The following THSD7B variants were observed in gnomAD, a reference collection of about 807,000 sequenced individuals.
The protein encoded by THSD7B is thrombospondin type 1 domain containing 7B, also known as thrombospondin type-1 domain-containing protein 7B.
THSD7B carries 138 observed loss-of-function variants against 213.6 expected under a neutral mutation model. The ratio of observed to expected loss-of-function variants is 0.65; its 90% CI spans 0.56 to 0.74. The LOEUF (loss-of-function observed/expected upper bound fraction) is 0.74. Ranked by LOEUF, THSD7B falls within the 30% of genes least tolerant of loss-of-function variation. THSD7B has a pLI of 0.00. For synonymous variants in THSD7B, 742 were observed against 687.0 expected (o/e 1.08, Z -1.25); for missense variants, 1,931 against 1,991.5 (o/e 0.97, Z 0.58).
At chr2:137,358,568 T>G (rs1171155998) in intron 12 of THSD7B, among the ~76,000 whole-genome samples, 1 of 152,196 alleles carries the variant, frequency 6.6e-6, no homozygotes, top group East Asian at 1.9e-4. Context: ...AAGGATAGCA[T>G]CAAAGAAAGT....
At chr2:137,408,087 C>T (rs1353450271) in intron 13 of THSD7B, among the ~76,000 whole-genome samples, 1 of 151,878 alleles carries the variant, frequency 6.6e-6, no homozygotes, top group East Asian at 1.9e-4. Flanking sequence ...AGTATATAAT[C>T]AAAGTAAAGG....
At chr2:137,200,867 CTA>C in intron 7 of THSD7B, among the ~76,000 whole-genome samples, 1 of 29,358 alleles carries the variant, frequency 3.4e-5, no homozygotes, top group Non-Finnish European at 8.8e-5. Context: ...ATGGGGACTC[CTA>C]TGTTGCCCAG....
At position 137,656,853 on chromosome 2, in the gene THSD7B, A is replaced by G. The variant is rs1352590087; in HGVS notation, c.4163A>G (p.Asp1388Gly). 6.2e-7 allele frequency: 1 copy of G among 1,613,984 alleles called. No homozygotes were observed. The highest frequency in any genetic ancestry group is 2.2e-5 in the East Asian group (1 of 44,884). The change falls in exon 23 of 28, where the codon GAT becomes GGT. Residue 1388 changes from aspartate to glycine, a missense_variant. Asp to Gly is a moderately conservative substitution (Grantham distance 94). Transcript: ENST00000409968. ...AGCACATGTGAATTAACCTGCATTG[A>G]TGGAAGAAGCTTTGAGACTGTGGGC... ...EWSTCELTCI[D>G]GRSFETVGRQ...
intron 3 of THSD7B, among the ~76,000 whole-genome samples, chr2:137,084,617 A>G (rs1451950840): frequency 6.6e-6 from 1 of 152,172 alleles, no homozygotes; most frequent in Non-Finnish European, 1.5e-5. Context: ...CCAAAGTCAT[A>G]AATCACCTTG....
intron 10 of THSD7B, among the ~76,000 whole-genome samples, chr2:137,245,278 T>C (rs1483998938): frequency 1.3e-5 from 2 of 152,210 alleles, no homozygotes; most frequent in African/African-American, 4.8e-5. Context: ...TATTACTTAA[T>C]GTCTCTTTGC....
At chr2:137,051,054 T>C (rs1223771691) in intron 2 of THSD7B, among the ~76,000 whole-genome samples, 4 of 152,194 alleles carry the variant, frequency 2.6e-5, no homozygotes. Flanking sequence ...CCTGTTTCCA[T>C]CAGTGAGCCT....
At chr2:137,367,781 C>T (rs1020359890) in intron 12 of THSD7B, among the ~76,000 whole-genome samples, 1 of 152,110 alleles carries the variant, frequency 6.6e-6, no homozygotes, top group Non-Finnish European at 1.5e-5. Flanking sequence ...TGTGGCCTTT[C>T]CTCAGTGTGT....
At chr2:136,848,952 C>T (rs1683052721) in intron 1 of THSD7B, among the ~76,000 whole-genome samples, 2 of 152,026 alleles carry the variant, frequency 1.3e-5, no homozygotes, top group Non-Finnish European at 1.5e-5. Context: ...TCTTTTTGAG[C>T]CTAGCACTTT....
chr2:137,214,438 TTTTA>T (rs1289693861), intron 7 of THSD7B, among the ~76,000 whole-genome samples: 6 of 152,022 alleles, frequency 3.9e-5, no homozygotes, highest in African/African-American at 7.2e-5. Context: ...AGGCAAACAT[TTTTA>T]TTTATTATAT....
chr2:137,398,449 G>T (rs1207341974), intron 12 of THSD7B, among the ~76,000 whole-genome samples: 1 of 151,566 alleles, frequency 6.6e-6, no homozygotes, highest in African/African-American at 2.4e-5. Flanking sequence ...TGCCCCTGCT[G>T]GGGGGTGCCT....
At chr2:137,372,589 T>C (rs896194621) in intron 12 of THSD7B, among the ~76,000 whole-genome samples, 7 of 152,048 alleles carry the variant, frequency 4.6e-5, no homozygotes, top group Non-Finnish European at 7.4e-5. Context: ...GATTTCCTGA[T>C]TGGGAATTGA....
chr2:137,080,415 T>C (rs1371932367), intron 3 of THSD7B, among the ~76,000 whole-genome samples: 1 of 147,382 alleles, frequency 6.8e-6, no homozygotes, highest in Non-Finnish European at 1.5e-5. Context: ...GGTTTCACCA[T>C]GTTGGCCAGG....
intron 15 of THSD7B, among the ~76,000 whole-genome samples, chr2:137,522,962 A>C (rs1312634099): frequency 2.0e-5 from 3 of 152,190 alleles, no homozygotes. Flanking sequence ...ATGGTGGAGG[A>C]CTTTCCACAT....
At chr2:137,134,228 T>C (rs937539900) in intron 5 of THSD7B, among the ~76,000 whole-genome samples, 10 of 152,200 alleles carry the variant, frequency 6.6e-5, no homozygotes, top group African/African-American at 2.4e-4. Context: ...TTGCAGCCCA[T>C]GCTCTTACCC....
intron 1 of THSD7B, among the ~76,000 whole-genome samples, chr2:136,873,021 T>TTA (rs70975722): frequency 7.6e-4 from 33 of 43,514 alleles, no homozygotes; most frequent in Admixed American, 1.1e-3. Flanking sequence ...AGACTCCATC[T>TTA]AAAAAAAAAA....
chr2:136,832,767 A>C (rs1391985219), intron 1 of THSD7B, among the ~76,000 whole-genome samples: 1 of 152,196 alleles, frequency 6.6e-6, no homozygotes, highest in Non-Finnish European at 1.5e-5. Flanking sequence ...AGATGGTATC[A>C]ATATCCCCAT....
chr2:137,170,611 C>G, intron 6 of THSD7B, 130 bp from the exon 7 acceptor site: 1 of 786,286 alleles, frequency 1.3e-6, no homozygotes. Flanking sequence ...TAGAATAAAA[C>G]ACATCAAGAT....
chr2:136,918,847 A>G (rs1347829250), intron 2 of THSD7B, among the ~76,000 whole-genome samples: 1 of 152,196 alleles, frequency 6.6e-6, no homozygotes, highest in Non-Finnish European at 1.5e-5. Flanking sequence ...CTTTAATTCA[A>G]CATCTTTCCT....
chr2:136,964,922 A>G (rs1685287402), intron 2 of THSD7B, among the ~76,000 whole-genome samples: 1 of 149,426 alleles, frequency 6.7e-6, no homozygotes, highest in African/African-American at 2.5e-5. Context: ...AATTGCTTGA[A>G]CCCAGGAGGC....
Sources: gnomAD v4.1 joint callset for allele counts (sites outside exome capture counted in the v4.1 genomes callset) on GRCh38, gnomAD v4.1.1 for gene constraint, MANE v1.5 for transcripts, NCBI Gene and HGNC (gene_info 2026-07-23, HGNC 2026-07-21) for gene names.